Variants in BCAR3 observed in about 807,000 individuals in gnomAD.
The protein encoded by BCAR3 is breast cancer anti-estrogen resistance protein 3.
In BCAR3, 37 loss-of-function variants were observed where a neutral mutation model predicts 80.1. That is an observed-to-expected ratio of 0.46 (90% CI 0.36 to 0.61). The LOEUF (loss-of-function observed/expected upper bound fraction) is 0.61, where lower values mean the gene tolerates loss of function less well. Ranked by LOEUF, BCAR3 falls within the 20% of genes least tolerant of loss-of-function variation. The pLI, the probability that BCAR3 is intolerant of heterozygous loss-of-function variation, is 0.00. For missense variants in BCAR3, 978 were observed against 1,068.2 expected (o/e 0.92, Z 1.18); for synonymous variants, 389 against 418.9 (o/e 0.93, Z 0.87).
chr1:93,770,599 G>A (rs769364903), intron 2 of BCAR3, among the ~76,000 whole-genome samples: 11 of 152,124 alleles, frequency 7.2e-5, no homozygotes, highest in Admixed American at 3.9e-4. Flanking sequence ...TAACCTGGGA[G>A]CATCCCCATG....
chr1:93,780,306 C>T (rs1327189873), intron 2 of BCAR3, among the ~76,000 whole-genome samples: 8 of 152,196 alleles, frequency 5.3e-5, no homozygotes, highest in Admixed American at 5.2e-4. Context: ...GCTTTTCCTA[C>T]CAAATCCTGG....
chr1:93,666,584 G>A (rs1647924939), intron 2 of BCAR3, among the ~76,000 whole-genome samples: 1 of 152,094 alleles, frequency 6.6e-6, no homozygotes, highest in African/African-American at 2.4e-5. Context: ...GCTTCACTAG[G>A]TACCTGGCAT....
chr1:93,817,475 T>C (rs745731797), intron 2 of BCAR3, among the ~76,000 whole-genome samples: 10 of 152,226 alleles, frequency 6.6e-5, no homozygotes, highest in Non-Finnish European at 1.5e-4. Context: ...CTTTTTTCTT[T>C]TTCTCTCATT....
In BCAR3 at chr1:93,760,358, G is replaced by A. The variant is rs117033490; in HGVS notation, c.-62-54216C>T. On this transcript the variant is annotated intron_variant, in intron 2 of 13. Transcript: ENST00000370244. ...TCAGCAATAATCCAGCTTATAAGGC[G>A]ATAAAGGTCTGACTTCGGGTGAGAC... 4.2e-4 allele frequency among the ~76,000 whole-genome samples: 64 copies of A among 151,970 alleles called. No individual in the cohort carries two copies. The East Asian group carries it at 6.8e-3, about 16-fold the overall frequency.
At chr1:93,769,663 T>C (rs1652286060) in intron 2 of BCAR3, among the ~76,000 whole-genome samples, 1 of 152,130 alleles carries the variant, frequency 6.6e-6, no homozygotes, top group East Asian at 1.9e-4. Context: ...GAATTACTGT[T>C]CGAGTTTAAC....
intron 2 of BCAR3, among the ~76,000 whole-genome samples, chr1:93,790,189 A>C (rs950893849): frequency 7.2e-5 from 11 of 152,222 alleles, no homozygotes; most frequent in African/African-American, 2.7e-4. Flanking sequence ...AAAAATAATA[A>C]ACAATACAGT....
At chr1:93,700,785 C>T (rs554613238) in intron 3 of BCAR3, among the ~76,000 whole-genome samples, 37 of 152,356 alleles carry the variant, frequency 2.4e-4, no homozygotes, top group Non-Finnish European at 4.9e-4. Flanking sequence ...TGTCTTTCAG[C>T]GGAATTCCAC....
At position 93,642,062 on chromosome 1, in the gene BCAR3, A is replaced by G. The variant is rs571116529; in HGVS notation, c.357+242T>C. Among the ~76,000 whole-genome samples, 3 of 152,076 alleles carry G rather than the reference A, an allele frequency of 2.0e-5. No individual in the cohort carries two copies. The South Asian group carries it at 6.2e-4, about 32-fold the overall frequency. On this transcript the variant is annotated intron_variant, in intron 3 of 11. Coordinates refer to ENST00000260502, the MANE Select transcript of BCAR3 (RefSeq NM_003567.4). ...ACCTTTCTGGAAAACAAACAAACAAACTCTGAATTTTAAAACACACCTGGC... is the reference window on the plus strand; with the variant it reads ...ACCTTTCTGGAAAACAAACAAACAAGCTCTGAATTTTAAAACACACCTGGC...
intron 2 of BCAR3, among the ~76,000 whole-genome samples, chr1:93,778,940 C>T (rs766953088): frequency 1.3e-5 from 2 of 152,126 alleles, no homozygotes; most frequent in South Asian, 2.1e-4. Flanking sequence ...TTATTGAAAG[C>T]CTCAAGCTTT....
chr1:93,676,167 T>A (rs1352301216), intron 1 of BCAR3, among the ~76,000 whole-genome samples: 1 of 152,114 alleles, frequency 6.6e-6, no homozygotes, highest in Non-Finnish European at 1.5e-5. Flanking sequence ...GAGCTTTGCA[T>A]GAAAATCCTC....
rs763268935 is a variant in BCAR3, at chr1:93,846,834, C to G, written c.-209+236G>C. The G allele has an allele frequency of 2.5e-5, 12 of 473,264 alleles. No homozygotes were observed. In the East Asian group the frequency reaches 3.8e-4, roughly 15 times the overall value. 29.3% of individuals were successfully genotyped at this position (473,264 alleles called of 1,614,324 possible). ...TCTCGGAGGATGCTGCGGCGCGGGGCGCGTCGCCCCCCTCAGTCCACCAGA... is the reference window on the plus strand; with the variant it reads ...TCTCGGAGGATGCTGCGGCGCGGGGGGCGTCGCCCCCCTCAGTCCACCAGA... On this transcript the variant is annotated intron_variant, in intron 1 of 13. Transcript: ENST00000370244.
chr1:93,781,674 A>T (rs966560059), intron 2 of BCAR3, among the ~76,000 whole-genome samples: 6 of 152,174 alleles, frequency 3.9e-5, no homozygotes. Flanking sequence ...CCAAGTTCTC[A>T]GCCATTATAA....
At chr1:93,678,783 G>C (rs935288279) in intron 1 of BCAR3, among the ~76,000 whole-genome samples, 1 of 152,098 alleles carries the variant, frequency 6.6e-6, no homozygotes, top group Non-Finnish European at 1.5e-5. Flanking sequence ...CCTGAAAAAA[G>C]GCAAGGGAAG....
At chr1:93,691,860 A>T (rs1489472532) in intron 3 of BCAR3, among the ~76,000 whole-genome samples, 1 of 152,118 alleles carries the variant, frequency 6.6e-6, no homozygotes, top group African/African-American at 2.4e-5. Context: ...ATTCACTCCC[A>T]CGTGAGTGGC....
chr1:93,763,925 C>A (rs757757334), intron 2 of BCAR3, among the ~76,000 whole-genome samples: 1 of 152,140 alleles, frequency 6.6e-6, no homozygotes, highest in Non-Finnish European at 1.5e-5. Context: ...GGAGCTGGCT[C>A]CAGCACACCA....
chr1:93,837,686 G>A (rs1654817793), intron 2 of BCAR3, among the ~76,000 whole-genome samples: 1 of 152,160 alleles, frequency 6.6e-6, no homozygotes, highest in African/African-American at 2.4e-5. Context: ...AACCAGTCCT[G>A]TAAGTAAGCC....
intron 3 of BCAR3, among the ~76,000 whole-genome samples, chr1:93,606,515 T>G (rs1674776157): frequency 6.6e-6 from 1 of 152,146 alleles, no homozygotes; most frequent in Non-Finnish European, 1.5e-5. Flanking sequence ...GAAAGATGAC[T>G]GAGCCACCAA....
At chr1:93,785,533 A>G (rs969263473) in intron 2 of BCAR3, among the ~76,000 whole-genome samples, 5 of 152,242 alleles carry the variant, frequency 3.3e-5, no homozygotes, top group Admixed American at 6.5e-5. Flanking sequence ...TATACCAAAC[A>G]TGTCTGTGAA....
intron 2 of BCAR3, among the ~76,000 whole-genome samples, chr1:93,727,194 G>A (rs1287390709): frequency 6.6e-6 from 1 of 152,184 alleles, no homozygotes; most frequent in Non-Finnish European, 1.5e-5. Flanking sequence ...TGCAGAGGGA[G>A]TTTGCATTTG....
Sources: gnomAD v4.1 joint callset for allele counts (sites outside exome capture counted in the v4.1 genomes callset) on GRCh38, gnomAD v4.1.1 for gene constraint, MANE v1.5 for transcripts, NCBI Gene and HGNC (gene_info 2026-07-23, HGNC 2026-07-21) for gene names.